Variants in SMG6 observed in about 807,000 individuals in gnomAD.
The protein encoded by SMG6 is SMG6 nonsense mediated mRNA decay factor, also known as telomerase-binding protein EST1A.
A neutral mutation model predicts 142.2 loss-of-function variants in SMG6; 66 were observed. That is an observed-to-expected ratio of 0.46 (90% CI 0.38 to 0.57). SMG6 has a LOEUF of 0.57. Ranked by LOEUF, SMG6 falls within the 20% of genes least tolerant of loss-of-function variation. SMG6 has a pLI of 0.00. For missense variants in SMG6, 1,793 were observed against 1,832.0 expected, an observed-to-expected ratio of 0.98 and a Z score of 0.39; for synonymous variants, 779 against 702.4, an observed-to-expected ratio of 1.11 and a Z score of -1.72.
intron 13 of SMG6, among the ~76,000 whole-genome samples, chr17:2,132,093 G>C (rs1417152862): frequency 6.6e-6 from 1 of 151,928 alleles, no homozygotes; most frequent in Non-Finnish European, 1.5e-5. Flanking sequence ...AAAAAAAAAG[G>C]AACTTTTGAA....
intron 10 of SMG6, among the ~76,000 whole-genome samples, chr17:2,210,070 A>C (rs1027641706): frequency 5.3e-5 from 8 of 152,180 alleles, no homozygotes; most frequent in African/African-American, 1.9e-4. Context: ...ATAAAGACTC[A>C]GCCCCTTTGA....
chr17:2,278,116 T>C (rs963718771), intron 8 of SMG6, among the ~76,000 whole-genome samples: 3 of 152,214 alleles, frequency 2.0e-5, no homozygotes, highest in South Asian at 4.1e-4. Flanking sequence ...CACTTATAAA[T>C]GCTTAGAAAA....
intron 13 of SMG6, among the ~76,000 whole-genome samples, chr17:2,123,566 C>T (rs1282953066): frequency 6.6e-6 from 1 of 152,184 alleles, no homozygotes; most frequent in Non-Finnish European, 1.5e-5. Context: ...ACACTTCTGC[C>T]CACACTCTTC....
chr17:2,301,193 C>T (rs956511522), intron 1 of SMG6, among the ~76,000 whole-genome samples: 16 of 152,210 alleles, frequency 1.1e-4, no homozygotes, highest in African/African-American at 3.9e-4. Flanking sequence ...TCCTGGACAT[C>T]TCTGGAGAAA....
chr17:2,131,569 G>GACCA (rs2070122930), intron 13 of SMG6, among the ~76,000 whole-genome samples: 1 of 152,054 alleles, frequency 6.6e-6, no homozygotes. Context: ...AAATGCTGGG[G>GACCA]GATTCCAGGC....
At chr17:2,101,947 T>A (rs9904872) in intron 13 of SMG6, among the ~76,000 whole-genome samples, 46,922 of 152,076 alleles carry the variant, frequency 0.31, 8,927 homozygotes, top group African/African-American at 0.54. Flanking sequence ...GCTCTTCTCT[T>A]GCCTGGAAAT....
chr17:2,093,153 T>C (rs1478522729), intron 13 of SMG6, among the ~76,000 whole-genome samples: 1 of 150,926 alleles, frequency 6.6e-6, no homozygotes, highest in Non-Finnish European at 1.5e-5. Flanking sequence ...CAGATCGTTC[T>C]ATTGCAATCC....
intron 1 of SMG6, among the ~76,000 whole-genome samples, chr17:2,302,528 T>C (rs992107436): frequency 2.6e-5 from 4 of 152,202 alleles, no homozygotes; most frequent in Admixed American, 6.5e-5. Flanking sequence ...GCGACAGAGC[T>C]AGACTCCGTC....
At chr17:2,115,160 C>A (rs2069468326) in intron 13 of SMG6, among the ~76,000 whole-genome samples, 2 of 151,684 alleles carry the variant, frequency 1.3e-5, no homozygotes, top group Admixed American at 6.6e-5. Context: ...AGGCAAAAAA[C>A]CCAGAATAAC....
At chr17:2,191,115 C>T (rs1053282275) in intron 10 of SMG6, among the ~76,000 whole-genome samples, 3 of 152,148 alleles carry the variant, frequency 2.0e-5, no homozygotes, top group Non-Finnish European at 2.9e-5. Context: ...TCTCTGCAAC[C>T]GTAGGACCTT....
chr17:2,258,735 G>C (rs943934959), intron 8 of SMG6, among the ~76,000 whole-genome samples: 6 of 151,298 alleles, frequency 4.0e-5, no homozygotes, highest in African/African-American at 1.2e-4. Context: ...GAGGTGAAGG[G>C]TGAAGTGAGC....
chr17:2,062,713 G>C (rs921595547), intron 18 of SMG6: 2 of 152,346 alleles, frequency 1.3e-5, no homozygotes, highest in Admixed American at 6.5e-5. Context: ...CAAGGCACAG[G>C]AAGTGTCCTG....
intron 10 of SMG6, among the ~76,000 whole-genome samples, chr17:2,230,944 C>A (rs1382345153): frequency 6.6e-6 from 1 of 152,192 alleles, no homozygotes; most frequent in African/African-American, 2.4e-5. Context: ...AATCTACCCA[C>A]AGAGATCCTT....
At chr17:2,284,618 T>C (rs957725452) in intron 6 of SMG6, among the ~76,000 whole-genome samples, 1 of 152,190 alleles carries the variant, frequency 6.6e-6, no homozygotes. Context: ...CTTCTCTCTC[T>C]CCCCAGCGTC....
chr17:2,238,310 C>T (rs2073717267), intron 9 of SMG6, among the ~76,000 whole-genome samples: 1 of 152,110 alleles, frequency 6.6e-6, no homozygotes, highest in African/African-American at 2.4e-5. Flanking sequence ...TGCTTTTTTT[C>T]TCCACATGCC....
intron 10 of SMG6, among the ~76,000 whole-genome samples, chr17:2,222,412 G>A (rs1461507952): frequency 1.3e-5 from 2 of 151,852 alleles, no homozygotes; most frequent in Non-Finnish European, 1.5e-5. Flanking sequence ...AGAGAAAACA[G>A]CTAATGCGAA....
At chr17:2,258,055 A>G (rs2074231268) in intron 8 of SMG6, among the ~76,000 whole-genome samples, 1 of 129,162 alleles carries the variant, frequency 7.7e-6, no homozygotes, top group Admixed American at 8.2e-5. Context: ...ACACACACAC[A>G]CACACACACA....
At chr17:2,288,978 C>G (rs1053493283) in intron 6 of SMG6, among the ~76,000 whole-genome samples, 1 of 150,202 alleles carries the variant, frequency 6.7e-6, no homozygotes, top group Non-Finnish European at 1.5e-5. Flanking sequence ...ACTCGGGAGG[C>G]TGAGGCAGGA....
intron 10 of SMG6, among the ~76,000 whole-genome samples, chr17:2,220,608 C>G (rs765718279): frequency 2.6e-5 from 4 of 152,158 alleles, no homozygotes; most frequent in African/African-American, 9.7e-5. Flanking sequence ...CCAGCCTGGG[C>G]AACACAGTGA....
Sources: allele counts gnomAD v4.1 joint callset (sites outside exome capture counted in the v4.1 genomes callset), GRCh38; gene constraint gnomAD v4.1.1; transcripts MANE v1.5; gene names NCBI Gene and HGNC (gene_info 2026-07-23, HGNC 2026-07-21).